PCDH15: variants seen among roughly 807,000 people sequenced by gnomAD.
The protein encoded by PCDH15 is protocadherin related 15, also known as protocadherin-15.
A neutral mutation model predicts 178.5 loss-of-function variants in PCDH15; 129 were observed. The observed-to-expected ratio is 0.72, with a 90% CI of 0.63 to 0.84. PCDH15 has a LOEUF of 0.84. PCDH15 is among the 40% of genes least tolerant of loss of function. The probability of loss-of-function intolerance (pLI) is 0.00; values close to 1 mark genes in which losing one functional copy is unlikely to be tolerated. For missense variants in PCDH15, 2,230 were observed against 2,099.9 expected, an observed-to-expected ratio of 1.06 and a Z score of -1.21; for synonymous variants, 800 against 732.0, an observed-to-expected ratio of 1.09 and a Z score of -1.50.
intron 18 of PCDH15, among the ~76,000 whole-genome samples, chr10:54,025,204 A>G (rs1202207935): frequency 6.6e-6 from 1 of 152,204 alleles, no homozygotes; most frequent in African/African-American, 2.4e-5. Context: ...ACATATCTAA[A>G]TTAGTTTTGT....
intron 2 of PCDH15, among the ~76,000 whole-genome samples, chr10:55,351,256 C>T (rs1268145041): frequency 3.3e-5 from 5 of 151,546 alleles, no homozygotes; most frequent in East Asian, 1.9e-4. Context: ...TCCCTTTATG[C>T]GTGACTCATG....
At chr10:55,289,594 A>G (rs1842958363) in intron 1 of PCDH15, among the ~76,000 whole-genome samples, 1 of 152,062 alleles carries the variant, frequency 6.6e-6, no homozygotes, top group Admixed American at 6.6e-5. Flanking sequence ...TCAAACTGGC[A>G]TCTTATGGAC....
chr10:54,189,909 G>A (rs2384395), intron 11 of PCDH15, among the ~76,000 whole-genome samples: 65,374 of 146,570 alleles, frequency 0.45, 17,318 homozygotes, highest in East Asian at 0.94. Context: ...GTTCATATAT[G>A]TATACATGCA....
chr10:54,409,349 A>G (rs886547416), intron 3 of PCDH15, among the ~76,000 whole-genome samples: 1 of 152,150 alleles, frequency 6.6e-6, no homozygotes, highest in African/African-American at 2.4e-5. Flanking sequence ...CCTTTCAATC[A>G]TATGTGAACT....
At chr10:54,150,689 CATTT>C (rs142338840) in intron 14 of PCDH15, among the ~76,000 whole-genome samples, 2,241 of 151,810 alleles carry the variant, frequency 0.015, 42 homozygotes, top group African/African-American at 0.049. Context: ...AATTCAGTCT[CATTT>C]ATTTGTTTTA....
At position 53,806,283 on chromosome 10, in the gene PCDH15, G is replaced by GTAAT. The variant is rs1422759562; in HGVS notation, c.*292_*295dup. On this transcript the variant is annotated 3_prime_UTR_variant, in exon 38 of 38. Transcript: ENST00000644397. ...TCAATAAAATATAAATGATTATTTA[G>GTAAT]TAATTATTTCTTGTTTATTAAAATG... 7.7e-5 allele frequency: 20 copies of GTAAT among 259,564 alleles called. No homozygotes were observed. The highest frequency in any genetic ancestry group is 3.4e-4 in the South Asian group (4 of 11,916). 16.1% of individuals were successfully genotyped at this position (259,564 alleles called of 1,614,324 possible).
At position 55,355,390 on chromosome 10, in the gene PCDH15, C is replaced by A. The variant is rs148601570; in HGVS notation, c.-155-188739G>T. Among the ~76,000 whole-genome samples, 1,337 of 152,096 alleles carry A rather than the reference C, an allele frequency of 8.8e-3. 11 individuals carry two copies. The highest frequency in any genetic ancestry group is 0.014 in the Non-Finnish European group (957 of 67,936). ...AAGTATTCTCATTTCTCCACATCCA[C>A]ATCAGCATTTGGTGTTGTAGTTTTG... On this transcript the variant is annotated intron_variant, in intron 2 of 5. Transcript: ENST00000613346.
chr10:54,027,634 C>A (rs1195604756), intron 18 of PCDH15, among the ~76,000 whole-genome samples: 6 of 148,498 alleles, frequency 4.0e-5, no homozygotes, highest in Non-Finnish European at 1.5e-5. Context: ...AGAAATAATG[C>A]TGCATATCTA....
At chr10:55,099,583 A>T (rs117522425) in intron 2 of PCDH15, among the ~76,000 whole-genome samples, 1 of 152,258 alleles carries the variant, frequency 6.6e-6, no homozygotes, top group Non-Finnish European at 1.5e-5. Flanking sequence ...TCTTCATTCC[A>T]CATTACAGCA....
At chr10:55,449,308 C>T (rs1204941154) in intron 2 of PCDH15, among the ~76,000 whole-genome samples, 1 of 151,966 alleles carries the variant, frequency 6.6e-6, no homozygotes, top group Non-Finnish European at 1.5e-5. Context: ...CTATTTTGTA[C>T]AATGTTGGTT....
At chr10:54,146,501 T>C (rs2043915844) in intron 14 of PCDH15, among the ~76,000 whole-genome samples, 1 of 151,896 alleles carries the variant, frequency 6.6e-6, no homozygotes, top group Non-Finnish European at 1.5e-5. Context: ...AGTTAACCAA[T>C]ATACACGACT....
chr10:55,421,421 A>ATTTG (rs79862636), intron 2 of PCDH15, among the ~76,000 whole-genome samples: 39,844 of 148,132 alleles, frequency 0.27, 6,578 homozygotes, highest in African/African-American at 0.47. Context: ...ATTCATATAT[A>ATTTG]TTTGTATATA....
intron 1 of PCDH15, among the ~76,000 whole-genome samples, chr10:54,725,255 TCA>T (rs1942310096): frequency 6.6e-6 from 1 of 151,000 alleles, no homozygotes; most frequent in African/African-American, 2.4e-5. Context: ...TACATTATAG[TCA>T]CAGACACTAA....
intron 2 of PCDH15, among the ~76,000 whole-genome samples, chr10:55,350,037 C>T (rs1844869480): frequency 6.6e-6 from 1 of 151,566 alleles, no homozygotes; most frequent in South Asian, 2.1e-4. Flanking sequence ...CACTTCCTCT[C>T]AATTTTCTAC....
At chr10:53,871,722 CTT>C (rs2079872636) in intron 26 of PCDH15, among the ~76,000 whole-genome samples, 1 of 149,470 alleles carries the variant, frequency 6.7e-6, no homozygotes, top group Admixed American at 6.7e-5. Flanking sequence ...GCTTCCAGTT[CTT>C]GTTTTGTTTT....
At chr10:54,798,484 TA>T (rs1204917286) in intron 1 of PCDH15, among the ~76,000 whole-genome samples, 3 of 152,108 alleles carry the variant, frequency 2.0e-5, no homozygotes, top group African/African-American at 7.2e-5. Context: ...ATTATAATTG[TA>T]TAGTCTTATT....
intron 2 of PCDH15, among the ~76,000 whole-genome samples, chr10:55,529,324 T>C (rs530056428): frequency 6.6e-6 from 1 of 152,124 alleles, no homozygotes; most frequent in African/African-American, 2.4e-5. Context: ...CTGAATGGTA[T>C]TGCCTAGGCT....
intron 3 of PCDH15, among the ~76,000 whole-genome samples, chr10:54,817,896 A>C (rs2133736936): frequency 6.6e-6 from 1 of 152,162 alleles, no homozygotes; most frequent in South Asian, 2.1e-4. Context: ...CATATGCTAA[A>C]AGCCTATATT....
At chr10:55,452,189 C>A (rs868233874) in intron 2 of PCDH15, among the ~76,000 whole-genome samples, 4 of 151,868 alleles carry the variant, frequency 2.6e-5, no homozygotes, top group African/African-American at 9.7e-5. Flanking sequence ...GATTACATAC[C>A]TATTTTAAGT....
Sources: gnomAD v4.1 joint callset for allele counts (sites outside exome capture counted in the v4.1 genomes callset) on GRCh38, gnomAD v4.1.1 for gene constraint, MANE v1.5 for transcripts, NCBI Gene and HGNC (gene_info 2026-07-23, HGNC 2026-07-21) for gene names.